HDAC9: variants seen among roughly 807,000 people sequenced by gnomAD.
HDAC9 encodes histone deacetylase 9, also known as MEF-2 interacting transcription repressor (MITR) protein.
A neutral mutation model predicts 139.4 loss-of-function variants in HDAC9; 41 were observed. That is an observed-to-expected ratio of 0.29 (90% CI 0.23 to 0.38). The LOEUF is 0.38. Among genes scored for constraint, HDAC9 ranks in the 10% least tolerant of loss-of-function variants. The pLI is 1.00. For synonymous variants in HDAC9, 517 were observed against 476.2 expected, an observed-to-expected ratio of 1.09 and a Z score of -1.12; for missense variants, 1,147 against 1,297.0, an observed-to-expected ratio of 0.88 and a Z score of 1.78.
intron 2 of HDAC9, among the ~76,000 whole-genome samples, chr7:18,273,386 C>T (rs1032257513): frequency 1.1e-4 from 17 of 151,966 alleles, no homozygotes; most frequent in African/African-American, 2.2e-4. Context: ...CTTATAAAGC[C>T]ATAAGGTATA....
intron 2 of HDAC9, among the ~76,000 whole-genome samples, chr7:18,164,280 G>A (rs189740027): frequency 6.6e-6 from 1 of 152,176 alleles, no homozygotes; most frequent in East Asian, 1.9e-4. Flanking sequence ...CATGGATAAA[G>A]GAAAATGTTC....
At chr7:18,154,382 G>A (rs1039100942) in intron 1 of HDAC9, among the ~76,000 whole-genome samples, 1 of 152,188 alleles carries the variant, frequency 6.6e-6, no homozygotes, top group Admixed American at 6.5e-5. Flanking sequence ...AAGATGAATA[G>A]TTGTGCTGCA....
chr7:18,292,891 G>A (rs930452807), intron 1 of HDAC9, among the ~76,000 whole-genome samples: 3 of 152,068 alleles, frequency 2.0e-5, no homozygotes, highest in Non-Finnish European at 2.9e-5. Context: ...TTTACATTAC[G>A]GGTACAACTG....
At chr7:18,960,121 A>G (rs1563087697) in intron 24 of HDAC9, among the ~76,000 whole-genome samples, 1 of 152,084 alleles carries the variant, frequency 6.6e-6, no homozygotes, top group African/African-American at 2.4e-5. Flanking sequence ...TTGAAAATGG[A>G]CATGATTTCC....
intron 21 of HDAC9, among the ~76,000 whole-genome samples, chr7:18,841,678 C>A (rs1196739966): frequency 6.6e-6 from 1 of 152,050 alleles, no homozygotes; most frequent in African/African-American, 2.4e-5. Flanking sequence ...ACAAAACAAT[C>A]ATATAGCGAA....
chr7:18,543,896 A>G (rs578237969), intron 2 of HDAC9, among the ~76,000 whole-genome samples: 11 of 152,082 alleles, frequency 7.2e-5, no homozygotes, highest in Admixed American at 5.9e-4. Flanking sequence ...GAAAAAAAAA[A>G]AAAAAAGAAA....
intron 2 of HDAC9, among the ~76,000 whole-genome samples, chr7:18,277,855 T>G (rs1796848303): frequency 1.3e-5 from 2 of 152,242 alleles, no homozygotes; most frequent in East Asian, 3.8e-4. Flanking sequence ...ATAGTTTAAA[T>G]AAAATTGATT....
At chr7:18,738,762 A>G (rs537653553) in intron 13 of HDAC9, among the ~76,000 whole-genome samples, 3 of 152,200 alleles carry the variant, frequency 2.0e-5, no homozygotes, top group Admixed American at 6.5e-5. Context: ...CTTGAGGAAT[A>G]TCTTTGTGGT....
intron 12 of HDAC9, among the ~76,000 whole-genome samples, chr7:18,713,306 G>A (rs1784475778): frequency 6.6e-6 from 1 of 152,146 alleles, no homozygotes; most frequent in Admixed American, 6.5e-5. Flanking sequence ...ATAATAGTTT[G>A]GTGATGAGCA....
chr7:18,733,004 C>CAGATAT (rs1786457499), intron 13 of HDAC9, among the ~76,000 whole-genome samples: 5 of 139,018 alleles, frequency 3.6e-5, no homozygotes, highest in African/African-American at 5.8e-5. Context: ...TGTGTATATA[C>CAGATAT]ACATGTGTAT....
chr7:18,735,049 C>G (rs1562896831), intron 13 of HDAC9, among the ~76,000 whole-genome samples: 1 of 152,310 alleles, frequency 6.6e-6, no homozygotes, highest in East Asian at 1.9e-4. Context: ...TGAGAAGTGT[C>G]TGTTCATATC....
intron 1 of HDAC9, among the ~76,000 whole-genome samples, chr7:18,430,248 G>A (rs896188244): frequency 6.6e-6 from 1 of 152,062 alleles, no homozygotes; most frequent in African/African-American, 2.4e-5. Context: ...TTTGGCGATG[G>A]TGTCTTGCTC....
chr7:18,655,843 A>G (rs1390532552), intron 11 of HDAC9, among the ~76,000 whole-genome samples: 4 of 152,180 alleles, frequency 2.6e-5, no homozygotes, highest in Admixed American at 6.5e-5. Context: ...GAAGAAAAAT[A>G]TCTGGGGAAT....
chr7:18,843,270 A>G (rs1248565212), intron 21 of HDAC9, among the ~76,000 whole-genome samples: 2 of 152,162 alleles, frequency 1.3e-5, no homozygotes, highest in Non-Finnish European at 2.9e-5. Flanking sequence ...CCTTGCCTGC[A>G]CAAAATCCTC....
chr7:18,547,806 C>CCCTTCCTT (rs1233554853), intron 2 of HDAC9, among the ~76,000 whole-genome samples: 6,421 of 67,974 alleles, frequency 0.094, 822 homozygotes, highest in East Asian at 0.14. Context: ...TTCAAGAAAC[C>CCCTTCCTT]CCTTCCTTCC....
Position 18,809,532 on chromosome 7 carries a change from A to T in HDAC9, c.2322+16080A>T, listed in dbSNP as rs141204981. 4.2e-3 allele frequency among the ~76,000 whole-genome samples: 636 copies of T among 152,154 alleles called. 2 individuals are homozygous for T. The highest frequency in any genetic ancestry group is 0.017 in the Middle Eastern group (5 of 294). On this transcript the variant is annotated intron_variant, in intron 17 of 25. Coordinates refer to ENST00000686413, the MANE Select transcript of HDAC9 (RefSeq NM_178425.4). ...TAACCTGATGAAAAGGCATGCAAAGAACTTGAATAAACATTTCTTAAAGAA... is the reference window on the plus strand; with the variant it reads ...TAACCTGATGAAAAGGCATGCAAAGTACTTGAATAAACATTTCTTAAAGAA...
intron 15 of HDAC9, among the ~76,000 whole-genome samples, chr7:18,763,439 A>G (rs943119085): frequency 3.3e-5 from 5 of 152,198 alleles, no homozygotes; most frequent in South Asian, 2.1e-4. Flanking sequence ...AGATTATCCA[A>G]TTTTTAGAAA....
intron 22 of HDAC9, among the ~76,000 whole-genome samples, chr7:18,883,971 T>C (rs950722301): frequency 2.0e-5 from 3 of 152,070 alleles, no homozygotes; most frequent in Non-Finnish European, 2.9e-5. Context: ...TGCAAAAACC[T>C]TAGGAATACA....
At chr7:18,863,495 G>T (rs1798262447) in intron 21 of HDAC9, among the ~76,000 whole-genome samples, 1 of 152,240 alleles carries the variant, frequency 6.6e-6, no homozygotes, top group South Asian at 2.1e-4. Flanking sequence ...TGTATTTTAT[G>T]TGTGGCCCAA....
Sources: allele counts gnomAD v4.1 joint callset (sites outside exome capture counted in the v4.1 genomes callset), GRCh38; gene constraint gnomAD v4.1.1; transcripts MANE v1.5; gene names NCBI Gene and HGNC (gene_info 2026-07-23, HGNC 2026-07-21).